Variants in SPATA13 observed in about 807,000 individuals in gnomAD.
The protein encoded by SPATA13 is spermatogenesis-associated protein 13.
SPATA13 carries 50 observed loss-of-function variants against 104.0 expected under a neutral mutation model. The observed-to-expected ratio is 0.48, with a 90% CI of 0.38 to 0.61. The LOEUF (loss-of-function observed/expected upper bound fraction) is 0.61, where lower values mean the gene tolerates loss of function less well. SPATA13 is among the 20% of genes least tolerant of loss of function. The pLI is 0.00. For synonymous variants in SPATA13, 606 were observed against 667.5 expected, an observed-to-expected ratio of 0.91 and a Z score of 1.42; for missense variants, 1,524 against 1,690.6, an observed-to-expected ratio of 0.90 and a Z score of 1.73.
At position 24,297,719 on chromosome 13, in the gene SPATA13, A is replaced by G. The variant is rs1194359538; in HGVS notation, c.3567A>G (p.Gln1189=). The G allele has an allele frequency of 1.2e-6, 2 of 1,612,192 alleles. No homozygotes were observed. Among genetic ancestry groups the G allele is most frequent in the Non-Finnish European group, 1.7e-6 (2 of 1,178,820 alleles). Residue 1189 remains glutamine, a synonymous_variant, in exon 11 of 13, where the codon CAA becomes CAG. Transcript: ENST00000382108. Reference sequence around the variant, plus strand: ...GTGCAGATGAAAGGAGGCGGGTGCAAGAGGACAAGGAGATGGGTGAGCAGC... The same window carrying G: ...GTGCAGATGAAAGGAGGCGGGTGCAGGAGGACAAGGAGATGGGTGAGCAGC... ...QACADERRRV[Q]EDKEMGMEIS... is the part of the protein sequence containing the mutation.
intron 2 of SPATA13, among the ~76,000 whole-genome samples, chr13:23,992,959 C>G (rs911835226): frequency 6.6e-6 from 1 of 152,184 alleles, no homozygotes; most frequent in Non-Finnish European, 1.5e-5. Flanking sequence ...TGGGAATTTC[C>G]ATCAAGCCAG....
intron 3 of SPATA13, among the ~76,000 whole-genome samples, chr13:24,117,309 C>T (rs1036049408): frequency 3.9e-5 from 6 of 151,920 alleles, no homozygotes; most frequent in Non-Finnish European, 7.4e-5. Flanking sequence ...AGGAATTAGC[C>T]GTCACTGATT....
intron 4 of SPATA13, among the ~76,000 whole-genome samples, chr13:24,279,310 G>A (rs1875308904): frequency 6.6e-6 from 1 of 152,180 alleles, no homozygotes; most frequent in Non-Finnish European, 1.5e-5. Context: ...GAGCCCATTG[G>A]TTGGAGAGGG....
intron 1 of SPATA13, among the ~76,000 whole-genome samples, chr13:24,190,709 G>A (rs888193239): frequency 2.1e-4 from 32 of 152,072 alleles, no homozygotes; most frequent in African/African-American, 7.0e-4. Context: ...GCTTCTTGTG[G>A]AGGAGCAAAG....
intron 3 of SPATA13, among the ~76,000 whole-genome samples, chr13:24,065,902 A>G (rs191506041): frequency 6.6e-6 from 1 of 152,348 alleles, no homozygotes; most frequent in East Asian, 1.9e-4. Context: ...GCCACTTAAC[A>G]ATTTGACTTG....
intron 2 of SPATA13, chr13:24,017,608 T>G: frequency 1.1e-6 from 1 of 935,826 alleles, no homozygotes; most frequent in Non-Finnish European, 1.3e-6. Flanking sequence ...CGATTTAACC[T>G]CAGCTAACCT....
At chr13:24,075,734 G>A (rs1407786063) in intron 3 of SPATA13, among the ~76,000 whole-genome samples, 2 of 152,148 alleles carry the variant, frequency 1.3e-5, no homozygotes, top group Non-Finnish European at 2.9e-5. Flanking sequence ...TTTTCACCTT[G>A]ACCTCCAATT....
chr13:24,090,739 A>G (rs540527626), intron 3 of SPATA13, among the ~76,000 whole-genome samples: 2 of 152,356 alleles, frequency 1.3e-5, no homozygotes, highest in African/African-American at 4.8e-5. Flanking sequence ...TGATTTGAAC[A>G]TATTTATAAT....
chr13:24,106,257 C>T (rs1253168518), intron 3 of SPATA13, among the ~76,000 whole-genome samples: 3 of 152,196 alleles, frequency 2.0e-5, no homozygotes, highest in Non-Finnish European at 4.4e-5. Context: ...TGGCCTCATA[C>T]TCCTGGCCTC....
chr13:24,107,961 T>C (rs1233355806), intron 3 of SPATA13, among the ~76,000 whole-genome samples: 1 of 152,262 alleles, frequency 6.6e-6, no homozygotes, highest in Middle Eastern at 3.2e-3. Context: ...TAGTACGATA[T>C]CACAAACTGG....
intron 3 of SPATA13, among the ~76,000 whole-genome samples, chr13:24,099,277 A>G (rs1019989948): frequency 6.6e-6 from 1 of 152,218 alleles, no homozygotes. Context: ...ATATCATTCT[A>G]TCTAATAAAT....
intron 3 of SPATA13, among the ~76,000 whole-genome samples, chr13:24,132,830 C>T (rs947284912): frequency 1.3e-5 from 2 of 152,092 alleles, no homozygotes; most frequent in Non-Finnish European, 2.9e-5. Context: ...AAAAATTAGC[C>T]AGTCGTGGTG....
At chr13:24,076,288 GTTTATC>G (rs1333788778) in intron 3 of SPATA13, among the ~76,000 whole-genome samples, 1 of 152,110 alleles carries the variant, frequency 6.6e-6, no homozygotes, top group African/African-American at 2.4e-5. Flanking sequence ...GAAATGAGTG[GTTTATC>G]TTTGTGTGCC....
intron 2 of SPATA13, among the ~76,000 whole-genome samples, chr13:24,242,625 A>G (rs1440491985): frequency 6.6e-6 from 1 of 152,196 alleles, no homozygotes; most frequent in East Asian, 1.9e-4. Context: ...CTTTGAAAAT[A>G]TAATTATAGT....
rs61948460 is a variant in SPATA13 at position 24,190,322 on chromosome 13, T to C, written c.-112+29390T>C. On this transcript the variant is annotated intron_variant, in intron 1 of 12. Transcript: ENST00000382108. ...ATATTATTATATATAATATATAATATTATATATTATTATATATAATATATA... is the reference window on the plus strand; with the variant it reads ...ATATTATTATATATAATATATAATACTATATATTATTATATATAATATATA... Among the ~76,000 whole-genome samples, 3 of 7,878 alleles carry C rather than the reference T, an allele frequency of 3.8e-4. 1 individual carries two copies. The highest frequency in any genetic ancestry group is 4.3e-4 in the African/African-American group (3 of 6,958). 5.2% of individuals were successfully genotyped at this position (7,878 alleles called of 152,430 possible). A position where few individuals can be genotyped will look rare whatever the true frequency, so the allele number is the denominator to read the frequency against.
chr13:24,114,853 G>A (rs915921506), intron 3 of SPATA13, among the ~76,000 whole-genome samples: 4 of 152,076 alleles, frequency 2.6e-5, no homozygotes, highest in African/African-American at 9.7e-5. Flanking sequence ...GTAGAGTTGG[G>A]GTTTCTCCAT....
intron 11 of SPATA13, among the ~76,000 whole-genome samples, chr13:24,300,049 C>T (rs1032344364): frequency 2.0e-5 from 3 of 152,212 alleles, no homozygotes; most frequent in African/African-American, 7.2e-5. Context: ...ACCCTTTGCT[C>T]TGTCCTCTCC....
intron 5 of SPATA13, among the ~76,000 whole-genome samples, chr13:24,285,220 G>A (rs533723620): frequency 1.3e-5 from 2 of 152,236 alleles, no homozygotes; most frequent in African/African-American, 2.4e-5. Flanking sequence ...AATTGTTAAC[G>A]ATCTCAAGAT....
intron 2 of SPATA13, among the ~76,000 whole-genome samples, chr13:24,229,112 T>G (rs1292057551): frequency 2.0e-5 from 3 of 152,256 alleles, no homozygotes; most frequent in Non-Finnish European, 4.4e-5. Context: ...TTGTTGACAG[T>G]GCTGTCTGTT....
Sources: allele counts gnomAD v4.1 joint callset (sites outside exome capture counted in the v4.1 genomes callset), GRCh38; gene constraint gnomAD v4.1.1; transcripts MANE v1.5; gene names NCBI Gene and HGNC (gene_info 2026-07-23, HGNC 2026-07-21).